Variants in SRRM2 observed in about 807,000 individuals in gnomAD.
The protein encoded by SRRM2 is serine/arginine repetitive matrix 2.
Under a neutral mutation model 213.8 loss-of-function variants are expected in SRRM2, and 30 were observed. The observed-to-expected ratio is 0.14, with a 90% CI of 0.10 to 0.19. SRRM2 has a LOEUF of 0.19. Ranked by LOEUF, SRRM2 falls within the 10% of genes least tolerant of loss-of-function variation. SRRM2 has a pLI of 1.00. For synonymous variants in SRRM2, 2,025 were observed against 1,377.7 expected (o/e 1.47, Z -10.40); for missense variants, 4,904 against 3,647.0 (o/e 1.34, Z -8.88).
chr16:2,769,910 G>C lies in SRRM2; in HGVS notation c.8022-442G>C. 8.9e-6 allele frequency: 4 copies of C among 448,260 alleles called. 1 individual carries two copies. Among genetic ancestry groups the C allele is most frequent in the South Asian group, 6.4e-5 (4 of 62,770 alleles). The allele number at this position is 448,260 out of a possible 1,614,324, so 27.8% of individuals were successfully genotyped here. On this transcript the variant is annotated intron_variant, in intron 12 of 14. Transcript: ENST00000301740. ...AAGGAGAGCCCATGCCTTTGGACAT[G>C]CTGTTCCTTCTGCCTGGAATTTCCT...
In SRRM2 at chr16:2,769,061, C is replaced by T. The variant is rs1159293509; in HGVS notation, c.7798C>T (p.Pro2600Ser). ...VREGRPPEPT[P>S]AKRKRRSSSS... ...AGAGGGACGTCCTCCGGAGCCAACC[C>T]CAGCCAAACGGAAGAGGCGCTCTAG... Residue 2600 changes from proline to serine, a missense_variant, in exon 12 of 15, where the codon CCA (proline) becomes TCA (serine). Transcript: ENST00000301740. 1 of 1,613,990 alleles carries T rather than the reference C, an allele frequency of 6.2e-7. No individual in the cohort carries two copies. The highest frequency in any genetic ancestry group is 1.7e-5 in the Admixed American group (1 of 60,004).
chr16:2,756,658 G>T, intron 2 of SRRM2, 52 bp downstream of exon 2: 2 of 1,559,534 alleles, frequency 1.3e-6, no homozygotes, highest in South Asian at 1.2e-5. Flanking sequence ...AGAGCTGGGG[G>T]TGTTAGGTGG....
At chr16:2,770,163 C>T (rs190740222) in intron 12 of SRRM2, 189 bp from the exon 13 acceptor site, 1 of 1,440,042 alleles carries the variant, frequency 6.9e-7, no homozygotes, top group East Asian at 2.5e-5. Flanking sequence ...CCGCTGCACC[C>T]TGTGCCTGCC....
chr16:2,769,212 C>T lies in SRRM2; in HGVS notation c.7949C>T (p.Ser2650Phe), dbSNP rs1567247983. 1.2e-6 allele frequency: 2 copies of T among 1,602,914 alleles called. No homozygotes were observed. The highest frequency in any genetic ancestry group is 2.7e-5 in the African/African-American group (2 of 74,878). ...SSSSSSSSSPSPAKPGPQALP... is the reference protein window; with the variant it reads ...SSSSSSSSSPFPAKPGPQALP... ...TCCTCCTCGTCGTCTTCCTCCCCTT[C>T]CCCTGCTAAGCCTGGCCCTCAGGCC... The change falls in exon 12 of 15, where the codon TCC becomes TTC. Residue 2650 changes from serine to phenylalanine, a missense_variant. Ser to Phe is a radical substitution (Grantham distance 155). Coordinates refer to ENST00000301740, the MANE Select transcript of SRRM2 (RefSeq NM_016333.4).
intron 5 of SRRM2, 197 bp from the exon 6 acceptor site, chr16:2,758,788 C>T: frequency 1.4e-6 from 1 of 711,240 alleles, no homozygotes; most frequent in Non-Finnish European, 2.3e-6. Context: ...TTTTCTTTTT[C>T]ATTTTGAGGT....
rs138772377 is a variant in SRRM2 at position 2,766,860 on chromosome 16, G to A, written c.6332G>A (p.Ser2111Asn). 1.1e-4 allele frequency: 180 copies of A among 1,614,062 alleles called. No homozygotes were observed. Among genetic ancestry groups the A allele is most frequent in the Non-Finnish European group, 1.5e-4 (173 of 1,180,046 alleles). Residue 2111 changes from serine to asparagine, a missense_variant, in exon 11 of 15, where the codon AGT becomes AAT. Physicochemically the swap from Ser to Asn is conservative, Grantham distance 46. Transcript: ENST00000301740. This position sits in a 1 kb window ranked among gnomAD's most constrained non-coding sequence, Gnocchi z 7.0. ...GSRTPPVALN[S>N]SRMSCFSRPS... is the part of the protein sequence containing the mutation. ...CGGACACCTCCAGTAGCACTCAACA[G>A]TTCCAGAATGAGCTGCTTCAGTCGT...
rs1339824268 is a variant in SRRM2, at chr16:2,767,443, C to T, written c.6915C>T (p.Ala2305=). The T allele has an allele frequency of 1.2e-6, 2 of 1,614,218 alleles. No homozygotes were observed. Among genetic ancestry groups the T allele is most frequent in the East Asian group, 2.2e-5 (1 of 44,882 alleles). ...TAGCAGGGGCCAGAACCCCAGCTGCCTTGGCAGCTCTGAGTCTCACAGGCT... is the reference window on the plus strand; with the variant it reads ...TAGCAGGGGCCAGAACCCCAGCTGCTTTGGCAGCTCTGAGTCTCACAGGCT... ...VNLAGARTPA[A]LAALSLTGSG... is the part of the protein sequence containing the mutation. The change falls in exon 11 of 15, where the codon GCC becomes GCT. Residue 2305 remains alanine (A), a synonymous_variant. Transcript: ENST00000301740.
At position 2,765,110 on chromosome 16, in the gene SRRM2, G is replaced by C; in HGVS notation, c.4582G>C (p.Val1528Leu). The C allele has an allele frequency of 6.2e-7, 1 of 1,614,206 alleles. No individual in the cohort carries two copies. Among genetic ancestry groups the C allele is most frequent in the South Asian group, 1.1e-5 (1 of 91,084 alleles). ...AGAATCATCAGTTGATCAGAAAACT[G>C]TGGCTCGGACTCCCCTGGGGCAGAG... ...GSESSVDQKT[V>L]ARTPLGQRSR... Residue 1528 changes from valine to leucine, a missense_variant, in exon 11 of 15, where the codon GTG becomes CTG. Val to Leu is a conservative substitution (Grantham distance 32). Coordinates refer to ENST00000301740, the MANE Select transcript of SRRM2 (RefSeq NM_016333.4).
At chr16:2,768,370 A>T in intron 11 of SRRM2, 109 bp downstream of exon 11, 1 of 1,277,298 alleles carries the variant, frequency 7.8e-7, no homozygotes, top group Non-Finnish European at 1.1e-6. Context: ...TGGAGGAGGT[A>T]TGGGGACCTT....
chr16:2,764,977 C>G lies in SRRM2; in HGVS notation c.4449C>G (p.Ser1483=). 1 of 1,614,022 alleles carries G rather than the reference C, an allele frequency of 6.2e-7. No individual in the cohort carries two copies. Among genetic ancestry groups the G allele is most frequent in the Non-Finnish European group, 8.5e-7 (1 of 1,180,012 alleles). ...PSRGRSECDS[S]PEPKALPQTP... Reference sequence around the variant, plus strand: ...GAGGGAGAAGCGAATGTGATTCTTCCCCAGAACCGAAAGCTTTGCCTCAGA... The same window carrying G: ...GAGGGAGAAGCGAATGTGATTCTTCGCCAGAACCGAAAGCTTTGCCTCAGA... Residue 1483 remains serine (S), a synonymous_variant, in exon 11 of 15, where the codon TCC becomes TCG. Coordinates refer to ENST00000301740, the MANE Select transcript of SRRM2 (RefSeq NM_016333.4).
chr16:2,760,763 A>G lies in SRRM2; in HGVS notation c.1032+264A>G, dbSNP rs189594641. The G allele has an allele frequency of 2.3e-3, 1,008 of 436,576 alleles. 10 individuals carry two copies. The highest frequency in any genetic ancestry group is 1.6e-3 in the Non-Finnish European group (390 of 238,182). 27.0% of individuals were successfully genotyped at this position (436,576 alleles called of 1,614,324 possible). On this transcript the variant is annotated intron_variant, in intron 10 of 14. Coordinates refer to ENST00000301740, the MANE Select transcript of SRRM2 (RefSeq NM_016333.4). ...TTATACATAGATAGAACTGGAACAA[A>G]CGTTGTATCTTATCTGTGTACTCCG...
chr16:2,757,751 C>G (rs780533784), intron 3 of SRRM2, 30 bp from the exon 4 acceptor site: 1 of 1,610,370 alleles, frequency 6.2e-7, no homozygotes, highest in South Asian at 1.1e-5. Flanking sequence ...CTTTATATTT[C>G]CTTCAGACTT....
chr16:2,754,678 G>A (rs2068079460), intron 1 of SRRM2, among the ~76,000 whole-genome samples: 2 of 152,194 alleles, frequency 1.3e-5, no homozygotes, highest in African/African-American at 4.8e-5. Context: ...ATTAAGTGCA[G>A]GTCAAAAACA....
chr16:2,762,027 C>T lies in SRRM2; in HGVS notation c.1499C>T (p.Pro500Leu). ...AKRGRSRSRT[P>L]TKRGHSRSRS... is the part of the protein sequence containing the mutation. Reference sequence around the variant, plus strand: ...AGAGGGCGATCTCGGTCTCGAACCCCTACCAAGAGAGGTCATTCTCGATCC... The same window carrying T: ...AGAGGGCGATCTCGGTCTCGAACCCTTACCAAGAGAGGTCATTCTCGATCC... The change falls in exon 11 of 15, where the codon CCT becomes CTT. Residue 500 changes from proline to leucine, a missense_variant. Transcript: ENST00000301740. 2.5e-6 allele frequency: 4 copies of T among 1,614,248 alleles called. No homozygotes were observed. Among genetic ancestry groups the T allele is most frequent in the Non-Finnish European group, 1.7e-6 (2 of 1,180,046 alleles).
chr16:2,760,772 C>G, intron 10 of SRRM2: 1 of 420,902 alleles, frequency 2.4e-6, no homozygotes, highest in South Asian at 2.6e-5. Flanking sequence ...AACGTTGTAT[C>G]TTATCTGTGT....
intron 11 of SRRM2, chr16:2,768,562 C>T (rs1442953116): frequency 1.6e-6 from 1 of 645,036 alleles, no homozygotes; most frequent in South Asian, 1.5e-5. Context: ...GCAGTTAGAC[C>T]TCAAGAGGAA....
In SRRM2 at chr16:2,765,439, A is replaced by C. The variant is rs749190978; in HGVS notation, c.4911A>C (p.Arg1637Ser). 18 of 1,614,130 alleles carry C rather than the reference A, an allele frequency of 1.1e-5. No individual in the cohort carries two copies. The highest frequency in any genetic ancestry group is 1.5e-5 in the Non-Finnish European group (18 of 1,180,028). The stretch of plus-strand genomic sequence containing the variant: ...CTCGGGCCCTTCCCAGACGAAGCAG[A>C]TCAGGTTCATCAAGCAAAGGCAGAG... ...PAPRALPRRSRSGSSSKGRGP... is the reference protein window; with the variant it reads ...PAPRALPRRSSSGSSSKGRGP... The change falls in exon 11 of 15, where the codon AGA becomes AGC. Residue 1637 changes from arginine to serine, a missense_variant. By Grantham distance (110) the Arg-to-Ser change is moderately radical (BLOSUM62 -1). Coordinates refer to ENST00000301740, the MANE Select transcript of SRRM2 (RefSeq NM_016333.4).
At chr16:2,753,925 TTTC>T (rs2068042119) in intron 1 of SRRM2, among the ~76,000 whole-genome samples, 1 of 152,194 alleles carries the variant, frequency 6.6e-6, no homozygotes. Flanking sequence ...TTGGTACCGT[TTTC>T]TTTTTTGCAT....
rs1567227686 is a variant in SRRM2, at chr16:2,761,945, C to T, written c.1417C>T (p.His473Tyr). ...SHGRAKRDKS[H>Y]SHTPSRRMGR... ...TGGCCGAGCAAAACGGGATAAATCACATTCTCATACCCCCTCCCGTAGGAT... is the reference window on the plus strand; with the variant it reads ...TGGCCGAGCAAAACGGGATAAATCATATTCTCATACCCCCTCCCGTAGGAT... Residue 473 changes from histidine to tyrosine, a missense_variant, in exon 11 of 15, where the codon CAT (histidine) becomes TAT (tyrosine). His to Tyr is a moderately conservative substitution (Grantham distance 83). Transcript: ENST00000301740. 2.5e-6 allele frequency: 4 copies of T among 1,613,992 alleles called. No individual in the cohort carries two copies. Among genetic ancestry groups the T allele is most frequent in the Non-Finnish European group, 2.5e-6 (3 of 1,180,026 alleles).
Sources: gnomAD v4.1 joint callset for allele counts (sites outside exome capture counted in the v4.1 genomes callset) on GRCh38, gnomAD v4.1.1 for gene constraint, Gnocchi (gnomAD v3.1) non-coding constraint, MANE v1.5 for transcripts, NCBI Gene and HGNC (gene_info 2026-07-23, HGNC 2026-07-21) for gene names.